TSHZ2: variants seen among roughly 807,000 people sequenced by gnomAD.
TSHZ2 encodes teashirt zinc finger homeobox 2.
TSHZ2 carries 21 observed loss-of-function variants against 74.4 expected under a neutral mutation model. The observed-to-expected ratio is 0.28, with a 90% CI of 0.20 to 0.41. The LOEUF (loss-of-function observed/expected upper bound fraction) is 0.41. Among genes scored for constraint, TSHZ2 ranks in the 10% least tolerant of loss-of-function variants. TSHZ2 has a pLI of 1.00. For missense variants in TSHZ2, 1,244 were observed against 1,293.5 expected, an observed-to-expected ratio of 0.96 and a Z score of 0.59; for synonymous variants, 540 against 515.3, an observed-to-expected ratio of 1.05 and a Z score of -0.65.
chr20:53,221,693 C>T (rs968298732), intron 1 of TSHZ2, among the ~76,000 whole-genome samples: 8 of 152,120 alleles, frequency 5.3e-5, no homozygotes, highest in African/African-American at 1.7e-4. Flanking sequence ...TAATCACTTG[C>T]TTTTTTTCCC....
chr20:53,350,318 T>C (rs928726263), intron 2 of TSHZ2, among the ~76,000 whole-genome samples: 1 of 152,240 alleles, frequency 6.6e-6, no homozygotes, highest in Non-Finnish European at 1.5e-5. Flanking sequence ...TCAGTGCAAC[T>C]CTGTTGTGCC....
chr20:53,410,782 T>C (rs1983029200), intron 2 of TSHZ2, among the ~76,000 whole-genome samples: 1 of 151,790 alleles, frequency 6.6e-6, no homozygotes. Flanking sequence ...TTCCAGTGAT[T>C]CTCCTGCCTC....
At chr20:53,381,807 GGTA>G (rs1478354503) in intron 2 of TSHZ2, among the ~76,000 whole-genome samples, 1 of 152,168 alleles carries the variant, frequency 6.6e-6, no homozygotes, top group African/African-American at 2.4e-5. Context: ...CCTACTGGCA[GGTA>G]GTAGGGACTG....
At chr20:53,307,147 C>G (rs1260772983) in intron 2 of TSHZ2, among the ~76,000 whole-genome samples, 2 of 151,740 alleles carry the variant, frequency 1.3e-5, no homozygotes, top group Non-Finnish European at 2.9e-5. Context: ...GTCACAGAAT[C>G]GGCAGGTGAC....
At chr20:53,101,027 T>C (rs1986201601) in intron 1 of TSHZ2, among the ~76,000 whole-genome samples, 2 of 152,194 alleles carry the variant, frequency 1.3e-5, no homozygotes, top group Admixed American at 1.3e-4. Flanking sequence ...TCTGTAGTCA[T>C]TAGTACCTTT....
At chr20:53,344,178 C>CA (rs1257026605) in intron 2 of TSHZ2, among the ~76,000 whole-genome samples, 5 of 149,544 alleles carry the variant, frequency 3.3e-5, no homozygotes, top group East Asian at 2.0e-4. Flanking sequence ...CAGATTCCAG[C>CA]AAAAAATTCT....
chr20:53,422,857 C>T (rs1480396590), intron 2 of TSHZ2, among the ~76,000 whole-genome samples: 1 of 152,186 alleles, frequency 6.6e-6, no homozygotes, highest in Non-Finnish European at 1.5e-5. Context: ...CAACATGATG[C>T]AGTGTTAAGA....
chr20:53,063,990 G>A (rs1457027113), intron 1 of TSHZ2, among the ~76,000 whole-genome samples: 4 of 152,088 alleles, frequency 2.6e-5, no homozygotes, highest in East Asian at 1.9e-4. Flanking sequence ...TCTTAATAGC[G>A]ATGCAGCAAA....
At chr20:53,125,827 CA>C (rs1986933741) in intron 1 of TSHZ2, among the ~76,000 whole-genome samples, 1 of 152,020 alleles carries the variant, frequency 6.6e-6, no homozygotes, top group Admixed American at 6.6e-5. Flanking sequence ...TTAATAATTA[CA>C]ACAATTTTGA....
At chr20:53,481,045 A>G (rs1986134765) in intron 2 of TSHZ2, among the ~76,000 whole-genome samples, 1 of 60,938 alleles carries the variant, frequency 1.6e-5, no homozygotes, top group East Asian at 4.6e-4. Context: ...ATATATTAGA[A>G]AAAAAAATGC....
chr20:53,323,265 A>G (rs970760394), intron 2 of TSHZ2, among the ~76,000 whole-genome samples: 1 of 152,186 alleles, frequency 6.6e-6, no homozygotes, highest in African/African-American at 2.4e-5. Context: ...GCTGGCACAC[A>G]TCTGCCAAAA....
In TSHZ2 at chr20:53,256,666, C is replaced by A; in HGVS notation, c.*8+95C>A. The A allele has an allele frequency of 6.8e-7, 1 of 1,471,284 alleles. No homozygotes were observed. The highest frequency in any genetic ancestry group is 9.0e-7 in the Non-Finnish European group (1 of 1,109,752). The allele number at this position is 1,471,284 out of a possible 1,614,324, so 91.1% of individuals were successfully genotyped here. ...TAGAGGCAGCTAGCATCTCCCAATG[C>A]CAAGCAGGATAGTAGCTTGCTGGAG... On this transcript the variant is annotated intron_variant, in intron 2 of 2. Transcript: ENST00000371497. The surrounding 1 kb of genome is among the most constrained non-coding windows in gnomAD (Gnocchi z 4.3).
intron 1 of TSHZ2, among the ~76,000 whole-genome samples, chr20:53,081,875 G>C (rs1203784528): frequency 6.7e-6 from 1 of 149,446 alleles, no homozygotes; most frequent in Non-Finnish European, 1.5e-5. Context: ...CTGTACGTAA[G>C]TATGAAACAA....
At chr20:53,196,348 G>A (rs1368710185) in intron 1 of TSHZ2, 1 of 130,500 alleles carries the variant, frequency 7.7e-6, no homozygotes, top group Non-Finnish European at 1.5e-5. Context: ...CATCCCGGAG[G>A]CATCAAGAAT....
chr20:53,075,139 T>A (rs575920890), intron 1 of TSHZ2, among the ~76,000 whole-genome samples: 1 of 152,358 alleles, frequency 6.6e-6, no homozygotes, highest in African/African-American at 2.4e-5. Context: ...CAACGATAGA[T>A]CATTGTGACG....
chr20:53,368,129 G>T (rs1981337307), intron 2 of TSHZ2, among the ~76,000 whole-genome samples: 1 of 151,944 alleles, frequency 6.6e-6, no homozygotes, highest in African/African-American at 2.4e-5. Flanking sequence ...GCCATCTGAT[G>T]ATTCATTTGC....
intron 2 of TSHZ2, among the ~76,000 whole-genome samples, chr20:53,303,967 G>A (rs1022000524): frequency 2.0e-5 from 3 of 151,892 alleles, no homozygotes; most frequent in Admixed American, 2.0e-4. Context: ...ACCCAAGGTG[G>A]ACCCAGCCCT....
intron 2 of TSHZ2, among the ~76,000 whole-genome samples, chr20:53,270,321 C>T (rs902933444): frequency 6.6e-6 from 1 of 152,144 alleles, no homozygotes; most frequent in Non-Finnish European, 1.5e-5. Flanking sequence ...CAATTCTTGC[C>T]TCCCGAGAGG....
intron 1 of TSHZ2, among the ~76,000 whole-genome samples, chr20:53,094,058 G>A (rs1045905555): frequency 1.3e-5 from 2 of 149,200 alleles, no homozygotes; most frequent in South Asian, 2.1e-4. Context: ...TTGGCCCTCC[G>A]CCTTTTTTTG....
Sources: gnomAD v4.1 joint callset for allele counts (sites outside exome capture counted in the v4.1 genomes callset) on GRCh38, gnomAD v4.1.1 for gene constraint, Gnocchi (gnomAD v3.1) non-coding constraint, MANE v1.5 for transcripts, NCBI Gene and HGNC (gene_info 2026-07-23, HGNC 2026-07-21) for gene names.